Variants in SEC16B observed in about 807,000 individuals in gnomAD.
SEC16B encodes the protein protein transport protein Sec16B.
Under a neutral mutation model 141.8 loss-of-function variants are expected in SEC16B, and 115 were observed. The ratio of observed to expected loss-of-function variants is 0.81; its 90% CI spans 0.70 to 0.95. The LOEUF is 0.95. Ranked by LOEUF, SEC16B falls within the 40% of genes least tolerant of loss-of-function variation. The pLI, the probability that SEC16B is intolerant of heterozygous loss-of-function variation, is 0.00. For missense variants in SEC16B, 1,291 were observed against 1,312.3 expected (o/e 0.98, Z 0.25); for synonymous variants, 493 against 492.5 (o/e 1.00, Z -0.01).
chr1:177,930,051 G>C (rs1322586040), intron 25 of SEC16B, 122 bp from the exon 26 acceptor site: 5 of 916,580 alleles, frequency 5.5e-6, no homozygotes, highest in Non-Finnish European at 8.3e-6. Context: ...CCAAGGTTGT[G>C]TTCTAATTGC....
At chr1:177,969,027 G>C (rs1189526289) in intron 1 of SEC16B, among the ~76,000 whole-genome samples, 1 of 152,182 alleles carries the variant, frequency 6.6e-6, no homozygotes, top group African/African-American at 2.4e-5. Flanking sequence ...CAAAAGGAAA[G>C]CACGCCTCAG....
intron 1 of SEC16B, among the ~76,000 whole-genome samples, chr1:177,978,053 C>G (rs142025021): frequency 1.8e-3 from 270 of 152,272 alleles, no homozygotes; most frequent in African/African-American, 6.2e-3. Context: ...GTGTGAGAAG[C>G]TAAACTATAT....
chr1:177,966,005 C>A lies in SEC16B; in HGVS notation c.300G>T (p.Arg100Ser). Residue 100 changes from arginine to serine, a missense_variant and splice_region_variant, in exon 3 of 26, where the codon AGG becomes AGT. By Grantham distance (110) the Arg-to-Ser change is moderately radical. Around this residue, in one of 3 missense-constraint regions of SEC16B, gnomAD observed 681 missense variants for 675.5 expected, o/e 1.01. Transcript: ENST00000308284. ...EGGYRNQLYS[R>S]PGYENSYQSY... ...TCTGATATGAATTCTCATAACCTGG[C>A]CTAAAATATCACAAAGAAGACTGGT... is the stretch of plus-strand genomic sequence containing the variant. 2 of 1,554,772 alleles carry A rather than the reference C, an allele frequency of 1.3e-6. No individual in the cohort carries two copies. Among genetic ancestry groups the A allele is most frequent in the Non-Finnish European group, 1.8e-6 (2 of 1,139,568 alleles).
rs747174692 is a variant in SEC16B, at chr1:177,932,611, TG to T, written c.2933-43del. ...CAGAGCTGTTTCCTCTGCTCAGGAC[TG>T]GGGGTCCCCACTCCCAGAAGGCACC... On this transcript the variant is annotated intron_variant, in intron 23 of 25. Coordinates refer to ENST00000308284, the MANE Select transcript of SEC16B (RefSeq NM_033127.4). 4 of 1,507,088 alleles carry T rather than the reference TG, an allele frequency of 2.7e-6. 1 individual carries two copies. The highest frequency in any genetic ancestry group is 2.8e-5 in the African/African-American group (2 of 71,624). 93.4% of individuals were successfully genotyped at this position (1,507,088 alleles called of 1,614,324 possible). A position where few individuals can be genotyped will look rare whatever the true frequency, so the allele number is the denominator to read the frequency against.
chr1:177,944,524 G>A (rs1411640818), intron 15 of SEC16B, 37 bp downstream of exon 15: 2 of 1,529,010 alleles, frequency 1.3e-6, no homozygotes, highest in African/African-American at 1.4e-5. Flanking sequence ...GCAGCTGCCT[G>A]ACAGTGACGG....
intron 14 of SEC16B, chr1:177,946,159 G>A (rs1651684442): frequency 3.4e-6 from 2 of 588,790 alleles, no homozygotes; most frequent in Non-Finnish European, 6.0e-6. Context: ...AGTGGCCAAA[G>A]GGCACAATAC....
chr1:177,961,529 C>T (rs1653056759), intron 6 of SEC16B, 61 bp downstream of exon 6: 15 of 1,541,890 alleles, frequency 9.7e-6, no homozygotes, highest in Non-Finnish European at 1.0e-5. Context: ...TTCCCAGAGA[C>T]TTGCCACCCA....
chr1:177,946,364 C>A, intron 14 of SEC16B, 56 bp downstream of exon 14: 1 of 1,283,812 alleles, frequency 7.8e-7, no homozygotes, highest in South Asian at 1.3e-5. Context: ...CCAACAAGGG[C>A]TAAAACAGTC....
At chr1:177,948,009 T>C (rs1651867709) in intron 12 of SEC16B, 67 bp from the exon 13 acceptor site, 1 of 1,232,982 alleles carries the variant, frequency 8.1e-7, no homozygotes, top group Non-Finnish European at 1.2e-6. Flanking sequence ...TAAAGAAGGC[T>C]GTTGTCTATT....
At position 177,937,367 on chromosome 1, in the gene SEC16B, G is replaced by C; in HGVS notation, c.2350C>G (p.Pro784Ala). 1 of 1,613,352 alleles carries C rather than the reference G, an allele frequency of 6.2e-7. No individual in the cohort carries two copies. Among genetic ancestry groups the C allele is most frequent in the South Asian group, 1.1e-5 (1 of 90,900 alleles). ...QPFPLQPGSY[P>A]AGGGAGQTGT... ...GTCTGCCCTGCACCCCCTCCTGCTG[G>C]GTAGGAGCCCGGCTGGAGGGGAAAG... The change falls in exon 19 of 26, where the codon CCA becomes GCA. Residue 784 changes from proline to alanine, a missense_variant. Around this residue, in one of 3 missense-constraint regions of SEC16B, gnomAD observed 605 missense variants for 614.1 expected, o/e 0.99. Transcript: ENST00000308284.
intron 5 of SEC16B, among the ~76,000 whole-genome samples, chr1:177,963,370 C>T (rs756440296): frequency 1.1e-4 from 16 of 151,260 alleles, no homozygotes; most frequent in East Asian, 2.0e-4. Context: ...TTTGGGAGGC[C>T]GAGGTGGGTG....
intron 5 of SEC16B, among the ~76,000 whole-genome samples, 154 bp downstream of exon 5, chr1:177,964,017 G>T (rs1230995190): frequency 6.6e-6 from 1 of 152,212 alleles, no homozygotes; most frequent in East Asian, 1.9e-4. Context: ...AAAAAGGAAG[G>T]CATGGGCGGA....
intron 15 of SEC16B, among the ~76,000 whole-genome samples, chr1:177,943,320 A>G (rs1335202526): frequency 6.6e-6 from 1 of 152,266 alleles, no homozygotes; most frequent in African/African-American, 2.4e-5. Context: ...TGCCTAATGC[A>G]TGCAGGGCTT....
At chr1:177,940,565 A>C in intron 17 of SEC16B, 45 bp downstream of exon 17, 1 of 1,401,756 alleles carries the variant, frequency 7.1e-7, no homozygotes, top group Admixed American at 1.7e-5. Flanking sequence ...GGAAGAGGGA[A>C]ACAAAGGCCA....
intron 3 of SEC16B, among the ~76,000 whole-genome samples, chr1:177,965,441 T>C (rs1653443200): frequency 6.8e-6 from 1 of 146,084 alleles, no homozygotes; most frequent in South Asian, 2.2e-4. Context: ...GATTTATCTT[T>C]CCTAGCAGTT....
intron 24 of SEC16B, among the ~76,000 whole-genome samples, chr1:177,932,190 G>A (rs1244207577): frequency 2.0e-5 from 3 of 152,218 alleles, no homozygotes; most frequent in African/African-American, 4.8e-5. Context: ...TCAGAGGAAA[G>A]GCCATGTGAA....
chr1:177,981,007 T>C (rs1444008538), intron 1 of SEC16B, among the ~76,000 whole-genome samples: 1 of 152,062 alleles, frequency 6.6e-6, no homozygotes, highest in Non-Finnish European at 1.5e-5. Context: ...GAGCTGATAC[T>C]GAAGACTGTC....
Position 177,932,789 on chromosome 1 carries a change from A to G in SEC16B, c.2841T>C (p.Ser947=). 6.2e-7 allele frequency: 1 copy of G among 1,612,238 alleles called. No individual in the cohort carries two copies. Among genetic ancestry groups the G allele is most frequent in the Non-Finnish European group, 8.5e-7 (1 of 1,179,400 alleles). Residue 947 remains serine (S), a synonymous_variant, in exon 23 of 26, where the codon TCT becomes TCC. Coordinates refer to ENST00000308284, the MANE Select transcript of SEC16B (RefSeq NM_033127.4). ...SPDSEETPRA[S]SPHQAGLGLS... is the part of the protein sequence containing the mutation. ...GGCCCAGGCCAGCCTGGTGGGGAGA[A>G]GATGCTCTGGGGGTCTCCTGCTTTG...
intron 25 of SEC16B, among the ~76,000 whole-genome samples, chr1:177,930,154 C>A (rs1650307720): frequency 6.6e-6 from 1 of 152,196 alleles, no homozygotes; most frequent in Non-Finnish European, 1.5e-5. Flanking sequence ...AGAGCTAAGT[C>A]TACCCAGATT....
Sources: allele counts gnomAD v4.1 joint callset (sites outside exome capture counted in the v4.1 genomes callset), GRCh38; gene constraint gnomAD v4.1.1; regional missense constraint gnomAD v4.1.1; transcripts MANE v1.5; gene names NCBI Gene and HGNC (gene_info 2026-07-23, HGNC 2026-07-21).